Variants in TMCC3 observed in about 807,000 individuals in gnomAD.
The protein encoded by TMCC3 is transmembrane and coiled-coil domain family 3, also known as transmembrane and coiled-coil domain protein 3.
TMCC3 carries 28 observed loss-of-function variants against 40.2 expected under a neutral mutation model. The ratio of observed to expected loss-of-function variants is 0.70; its 90% CI spans 0.52 to 0.95. The LOEUF is 0.95. Among genes scored for constraint, TMCC3 ranks in the 40% least tolerant of loss-of-function variants. The probability of loss-of-function intolerance (pLI) is 0.00; values close to 1 mark genes in which losing one functional copy is unlikely to be tolerated. For synonymous variants in TMCC3, 255 were observed against 248.5 expected, an observed-to-expected ratio of 1.03 and a Z score of -0.25; for missense variants, 554 against 615.2, an observed-to-expected ratio of 0.90 and a Z score of 1.05.
At chr12:94,636,438 C>A (rs2651975) in intron 1 of TMCC3, among the ~76,000 whole-genome samples, 81,545 of 152,070 alleles carry the variant, frequency 0.54, 22,039 homozygotes, top group Middle Eastern at 0.56. Context: ...CAGCACACAC[C>A]AAACATATAA....
chr12:94,620,356 C>T (rs1034252863), intron 1 of TMCC3, among the ~76,000 whole-genome samples: 8 of 150,464 alleles, frequency 5.3e-5, no homozygotes, highest in African/African-American at 2.0e-4. Flanking sequence ...GGCGCGATCT[C>T]GGCTCACTGC....
intron 1 of TMCC3, among the ~76,000 whole-genome samples, chr12:94,614,631 T>C (rs1167858258): frequency 2.0e-5 from 3 of 152,224 alleles, no homozygotes; most frequent in Admixed American, 1.3e-4. Context: ...TTTTCCCTTT[T>C]ATTCCAATTG....
intron 1 of TMCC3, among the ~76,000 whole-genome samples, chr12:94,638,417 T>A (rs963716025): frequency 6.6e-6 from 1 of 152,218 alleles, no homozygotes. Context: ...TGGAGAAATA[T>A]CTATAAGCAC....
intron 1 of TMCC3, among the ~76,000 whole-genome samples, chr12:94,594,560 G>C (rs2068703957): frequency 6.6e-6 from 1 of 152,152 alleles, no homozygotes; most frequent in Non-Finnish European, 1.5e-5. Flanking sequence ...CATTCCCATA[G>C]GTTTCTGGCA....
chr12:94,594,250 G>A (rs973577738), intron 1 of TMCC3, among the ~76,000 whole-genome samples: 1 of 148,716 alleles, frequency 6.7e-6, no homozygotes, highest in Non-Finnish European at 1.5e-5. Flanking sequence ...GAGAGAGAGA[G>A]GTCTCTCACT....
rs555411062 is a variant in TMCC3 at position 94,623,847 on chromosome 12, G to A, written c.78+26506C>T. On this transcript the variant is annotated intron_variant, in intron 1 of 3. Coordinates refer to ENST00000261226, the MANE Select transcript of TMCC3 (RefSeq NM_020698.4). The stretch of plus-strand genomic sequence containing the variant: ...TGGCCTTTTCATGTGCAGTACCATC[G>A]GCAAAGTAAAAGTCAAGCCATGCAA... Among the ~76,000 whole-genome samples, 7 of 152,274 alleles carry A rather than the reference G, an allele frequency of 4.6e-5. No homozygotes were observed. In the East Asian group the frequency reaches 7.7e-4, roughly 17 times the overall value.
Position 94,606,605 on chromosome 12 carries a change from C to T in TMCC3, c.79-24067G>A, listed in dbSNP as rs184285029. Among the ~76,000 whole-genome samples the T allele has an allele frequency of 7.2e-5, 11 of 152,140 alleles. No homozygotes were observed. The East Asian group carries it at 1.5e-3, about 21-fold the overall frequency. On this transcript the variant is annotated intron_variant, in intron 1 of 3. Transcript: ENST00000261226. The stretch of plus-strand genomic sequence containing the variant: ...TATTTCAAAGTAGGTTCTATTTTCC[C>T]TAAGTGTCAGCCGGTCTGAGAAATA...
Position 94,581,905 on chromosome 12 carries a change from C to T in TMCC3, c.712G>A (p.Ala238Thr). 1 of 1,614,260 alleles carries T rather than the reference C, an allele frequency of 6.2e-7. No homozygotes were observed. Reference protein sequence around the residue: ...EEFRPEASARAYGGSATIVNK... With the variant: ...EEFRPEASARTYGGSATIVNK... ...ACGATGGTAGCGCTGCCCCCGTAGG[C>T]CCTGGCACTCGCCTCTGGCCTAAAC... The change falls in exon 2 of 4, where the codon GCC becomes ACC. Residue 238 changes from alanine to threonine, a missense_variant. Physicochemically the swap from Ala to Thr is moderately conservative, Grantham distance 58. Transcript: ENST00000261226.
intron 1 of TMCC3, among the ~76,000 whole-genome samples, chr12:94,610,938 T>C (rs2068812610): frequency 6.6e-6 from 1 of 152,188 alleles, no homozygotes; most frequent in South Asian, 2.1e-4. Context: ...CTTTTTGTTT[T>C]ATATTATCTT....
intron 1 of TMCC3, among the ~76,000 whole-genome samples, chr12:94,596,009 A>G (rs2138843608): frequency 6.6e-6 from 1 of 152,354 alleles, no homozygotes; most frequent in East Asian, 1.9e-4. Context: ...GTTGAATAAA[A>G]TCATCTTTTC....
At chr12:94,639,623 G>A (rs151220325) in intron 1 of TMCC3, among the ~76,000 whole-genome samples, 39 of 146,774 alleles carry the variant, frequency 2.7e-4, no homozygotes, top group Non-Finnish European at 7.5e-5. Context: ...TACCTCATTT[G>A]GTATACAAGG....
chr12:94,630,193 T>C (rs2068924994), intron 1 of TMCC3, among the ~76,000 whole-genome samples: 1 of 151,322 alleles, frequency 6.6e-6, no homozygotes, highest in South Asian at 2.1e-4. Flanking sequence ...AGGTGGAGGT[T>C]GCAGTGAGCC....
At chr12:94,587,149 T>TG (rs2068643030) in intron 1 of TMCC3, among the ~76,000 whole-genome samples, 1 of 152,208 alleles carries the variant, frequency 6.6e-6, no homozygotes, top group Non-Finnish European at 1.5e-5. Context: ...TACAATACAC[T>TG]ATACATTGCA....
intron 1 of TMCC3, among the ~76,000 whole-genome samples, chr12:94,583,361 G>A (rs1594269814): frequency 6.6e-6 from 1 of 151,938 alleles, no homozygotes; most frequent in East Asian, 1.9e-4. Flanking sequence ...AAAATTAGTT[G>A]GGCATGGTGG....
At chr12:94,617,501 C>T (rs1191537501) in intron 1 of TMCC3, among the ~76,000 whole-genome samples, 1 of 152,164 alleles carries the variant, frequency 6.6e-6, no homozygotes, top group Non-Finnish European at 1.5e-5. Context: ...TCCTCTTGCC[C>T]TTTTGTGATC....
At chr12:94,640,765 G>A (rs1230743701) in intron 1 of TMCC3, among the ~76,000 whole-genome samples, 2 of 152,156 alleles carry the variant, frequency 1.3e-5, no homozygotes, top group South Asian at 2.1e-4. Flanking sequence ...TCACAAAGCC[G>A]CTAAGTGAAA....
chr12:94,577,666 A>C (rs576754550), intron 3 of TMCC3, among the ~76,000 whole-genome samples: 2 of 152,050 alleles, frequency 1.3e-5, no homozygotes, highest in Non-Finnish European at 2.9e-5. Context: ...CGTGTCGTGT[A>C]AATTGGCCAA....
At position 94,582,381 on chromosome 12, in the gene TMCC3, G is replaced by T. The variant is rs2068609678; in HGVS notation, c.236C>A (p.Thr79Lys). 2.5e-6 allele frequency: 4 copies of T among 1,613,842 alleles called. No homozygotes were observed. The highest frequency in any genetic ancestry group is 2.5e-6 in the Non-Finnish European group (3 of 1,179,976). ...TGTTTGCTCAATTTTTATCTGCTCT[G>T]TTACCTTTAGAATTTTTTGCTTCAG... The part of the protein sequence containing the change: ...DSLKQKILKV[T>K]EQIKIEQTSR... Residue 79 changes from threonine to lysine, a missense_variant, in exon 2 of 4, where the codon ACA becomes AAA. By Grantham distance (78) the Thr-to-Lys change is moderately conservative (BLOSUM62 -1). Transcript: ENST00000261226.
intron 1 of TMCC3, among the ~76,000 whole-genome samples, chr12:94,626,153 G>T (rs1021382321): frequency 2.0e-5 from 3 of 152,180 alleles, no homozygotes; most frequent in African/African-American, 7.2e-5. Flanking sequence ...AAAACCATCA[G>T]ATCTTGTGAG....
Sources: allele counts gnomAD v4.1 joint callset (sites outside exome capture counted in the v4.1 genomes callset), GRCh38; gene constraint gnomAD v4.1.1; transcripts MANE v1.5; gene names NCBI Gene and HGNC (gene_info 2026-07-23, HGNC 2026-07-21).